The following ZFYVE1 variants were observed in gnomAD, a reference collection of about 807,000 sequenced individuals.
ZFYVE1 encodes the protein zinc finger FYVE-type containing 1.
Under a neutral mutation model 74.4 loss-of-function variants are expected in ZFYVE1, and 30 were observed. The ratio of observed to expected loss-of-function variants is 0.40; its 90% CI spans 0.30 to 0.55. The LOEUF is 0.55. Among genes scored for constraint, ZFYVE1 ranks in the 20% least tolerant of loss-of-function variants. The probability of loss-of-function intolerance (pLI) is 0.42; values close to 1 mark genes in which losing one functional copy is unlikely to be tolerated. For synonymous variants in ZFYVE1, 335 were observed against 385.1 expected (o/e 0.87, Z 1.52); for missense variants, 703 against 1,011.6 (o/e 0.69, Z 4.14).
intron 4 of ZFYVE1, among the ~76,000 whole-genome samples, chr14:72,984,992 T>C (rs1431116780): frequency 6.6e-6 from 1 of 152,166 alleles, no homozygotes; most frequent in Non-Finnish European, 1.5e-5. Context: ...AACCTTGCCC[T>C]CCTCCTCTCC....
chr14:73,015,868 A>C (rs1165628435), intron 2 of ZFYVE1, among the ~76,000 whole-genome samples: 5 of 151,876 alleles, frequency 3.3e-5, no homozygotes, highest in Non-Finnish European at 1.5e-5. Flanking sequence ...TGGAGATTGC[A>C]GTGAGCTGAG....
chr14:72,994,149 C>T (rs1482786525), intron 3 of ZFYVE1, among the ~76,000 whole-genome samples: 1 of 150,552 alleles, frequency 6.6e-6, no homozygotes, highest in Non-Finnish European at 1.5e-5. Context: ...GTGGTAAAAC[C>T]CCATCTCTAC....
Position 73,013,791 on chromosome 14 carries a change from C to T in ZFYVE1, c.483+10235G>A, listed in dbSNP as rs960578975. ...TCATGGTCTCCCCACATCTTTTCTC[C>T]GATTTCCCATCAAGCAAATGTGTTC... is the stretch of plus-strand genomic sequence containing the variant. On this transcript the variant is annotated intron_variant, in intron 2 of 11. Transcript: ENST00000556143. Among the ~76,000 whole-genome samples, 4 of 136,912 alleles carry T rather than the reference C, an allele frequency of 2.9e-5. No individual in the cohort carries two copies. In the East Asian group the frequency reaches 9.2e-4, roughly 31 times the overall value. 89.8% of individuals were successfully genotyped at this position (136,912 alleles called of 152,430 possible).
At chr14:73,016,742 C>T (rs545501138) in intron 2 of ZFYVE1, among the ~76,000 whole-genome samples, 16 of 151,812 alleles carry the variant, frequency 1.1e-4, no homozygotes, top group African/African-American at 2.4e-5. Flanking sequence ...GGTGTGGTGG[C>T]GGGCACCTGT....
intron 11 of ZFYVE1, among the ~76,000 whole-genome samples, chr14:72,973,309 T>G (rs532234558): frequency 6.6e-6 from 1 of 151,974 alleles, no homozygotes; most frequent in African/African-American, 2.4e-5. Flanking sequence ...GTCAACATGG[T>G]GAAACCCCGT....
Position 72,975,047 on chromosome 14 carries a change from G to A in ZFYVE1, c.1807-88C>T, listed in dbSNP as rs1379626611. ...GAAAGTCAACAAGACCCCGGAGCAA[G>A]CAGAAACTAAGGCAGGTGGCGTTAG... On this transcript the variant is annotated intron_variant, in intron 9 of 11. Coordinates refer to ENST00000556143, the MANE Select transcript of ZFYVE1 (RefSeq NM_021260.4). This position sits in a 1 kb window ranked among gnomAD's most constrained non-coding sequence, Gnocchi z 4.1. The A allele has an allele frequency of 7.0e-7, 1 of 1,434,462 alleles. No individual in the cohort carries two copies. The highest frequency in any genetic ancestry group is 1.4e-5 in the African/African-American group (1 of 70,466). The allele number at this position is 1,434,462 out of a possible 1,614,324, so 88.9% of individuals were successfully genotyped here.
chr14:73,014,344 C>T lies in ZFYVE1; in HGVS notation c.483+9682G>A, dbSNP rs1001578598. Among the ~76,000 whole-genome samples, 47 of 152,294 alleles carry T rather than the reference C, an allele frequency of 3.1e-4. 1 individual carries two copies. The highest frequency in any genetic ancestry group is 3.4e-3 in the Middle Eastern group (1 of 294). On this transcript the variant is annotated intron_variant, in intron 2 of 11. Transcript: ENST00000556143. ...AGGCACATAATAGGGTTTCTTTCATCTTTCTTTTGGTCTGAGTCATCCTCA... is the reference window on the plus strand; with the variant it reads ...AGGCACATAATAGGGTTTCTTTCATTTTTCTTTTGGTCTGAGTCATCCTCA...
intron 2 of ZFYVE1, among the ~76,000 whole-genome samples, chr14:73,021,354 AAAATAAATAAAT>A (rs71109783): frequency 4.0e-4 from 59 of 147,630 alleles, no homozygotes; most frequent in African/African-American, 4.5e-4. Flanking sequence ...TCTCAAAATA[AAAATAAATAAAT>A]AAATAAATAA....
intron 2 of ZFYVE1, among the ~76,000 whole-genome samples, chr14:73,020,600 C>T (rs1894298184): frequency 6.6e-6 from 1 of 152,190 alleles, no homozygotes; most frequent in African/African-American, 2.4e-5. Context: ...GATCCACCTC[C>T]CTCAGCCTCC....
intron 4 of ZFYVE1, among the ~76,000 whole-genome samples, chr14:72,989,633 C>T (rs988353567): frequency 6.6e-6 from 1 of 151,996 alleles, no homozygotes; most frequent in Non-Finnish European, 1.5e-5. Context: ...TTAAAATGGT[C>T]CCATCCTCTG....
At chr14:72,996,590 C>T (rs2877838) in intron 3 of ZFYVE1, among the ~76,000 whole-genome samples, 5,328 of 152,186 alleles carry the variant, frequency 0.035, 298 homozygotes, top group African/African-American at 0.12. Flanking sequence ...CAATTTGTTC[C>T]TTGAAGCTAC....
Position 72,975,741 on chromosome 14 carries a change from T to C in ZFYVE1, c.1636-20A>G, listed in dbSNP as rs574741894. On this transcript the variant is annotated intron_variant, in intron 8 of 11. Transcript: ENST00000556143. This position sits in a 1 kb window ranked among gnomAD's most constrained non-coding sequence, Gnocchi z 4.1. ...ATCAGTCTGAAATGAAAACGCAGGC[T>C]TCCATCATGCTCTGAGAAGGGAGTG... The C allele has an allele frequency of 8.1e-5, 130 of 1,612,062 alleles. 1 individual carries two copies. The South Asian group carries it at 1.4e-3, about 17-fold the overall frequency.
intron 1 of ZFYVE1, among the ~76,000 whole-genome samples, chr14:73,025,338 G>A (rs1894435675): frequency 6.6e-6 from 1 of 151,634 alleles, no homozygotes; most frequent in Admixed American, 6.6e-5. Flanking sequence ...CAAAGTGCTG[G>A]GATTACAGGC....
chr14:73,013,474 G>C (rs907765507), intron 2 of ZFYVE1, among the ~76,000 whole-genome samples: 6 of 152,108 alleles, frequency 3.9e-5, no homozygotes, highest in African/African-American at 1.4e-4. Flanking sequence ...CGGGCATGGT[G>C]GCAGGTGCCT....
chr14:72,976,873 G>T (rs1171220453), intron 8 of ZFYVE1, among the ~76,000 whole-genome samples: 5 of 152,102 alleles, frequency 3.3e-5, no homozygotes, highest in East Asian at 1.9e-4. Flanking sequence ...GGACCTGCAG[G>T]TAGAACTCCT....
rs146542147 is a variant in ZFYVE1, at chr14:72,984,523, C to T, written c.1204-2628G>A. ...CAGCCTGGGTGACAGGGTGAGACTC[C>T]GTCTCAAAAAAAAAAAAAATTGAAA... is the stretch of plus-strand genomic sequence containing the variant. On this transcript the variant is annotated intron_variant, in intron 4 of 11. Coordinates refer to ENST00000556143, the MANE Select transcript of ZFYVE1 (RefSeq NM_021260.4). Among the ~76,000 whole-genome samples, 1,321 of 148,654 alleles carry T rather than the reference C, an allele frequency of 8.9e-3. 15 individuals carry two copies. The highest frequency in any genetic ancestry group is 0.031 in the African/African-American group (1,249 of 40,292).
chr14:73,003,226 T>G (rs1288794213), intron 2 of ZFYVE1, among the ~76,000 whole-genome samples: 2 of 151,922 alleles, frequency 1.3e-5, no homozygotes, highest in African/African-American at 4.8e-5. Flanking sequence ...AGCTAATTTT[T>G]TTTGTACTTT....
At chr14:72,974,306 G>A in intron 10 of ZFYVE1, 113 bp from the exon 11 acceptor site, 1 of 955,274 alleles carries the variant, frequency 1.0e-6, no homozygotes, top group Non-Finnish European at 1.6e-6. Context: ...CCACTGTGCT[G>A]TCCTGCAACT....
Position 73,024,444 on chromosome 14 carries a change from T to C in ZFYVE1, c.65A>G (p.Tyr22Cys). The C allele has an allele frequency of 5.0e-6, 8 of 1,614,028 alleles. No individual in the cohort carries two copies. The highest frequency in any genetic ancestry group is 6.8e-6 in the Non-Finnish European group (8 of 1,179,930). The change falls in exon 2 of 12, where the codon TAC becomes TGC. Residue 22 changes from tyrosine (Y) to cysteine (C), a missense_variant. Transcript: ENST00000556143. ...AGCTTCATCAGTCCCGCTGCAAGCG[T>C]AACTTTCCTGGCACATCAGCCCCGG... The part of the protein sequence containing the change: ...LNPGLMCQES[Y>C]ACSGTDEAIF...
Sources: gnomAD v4.1 joint callset for allele counts (sites outside exome capture counted in the v4.1 genomes callset) on GRCh38, gnomAD v4.1.1 for gene constraint, Gnocchi (gnomAD v3.1) non-coding constraint, MANE v1.5 for transcripts, NCBI Gene and HGNC (gene_info 2026-07-23, HGNC 2026-07-21) for gene names.